Variants in SLC25A13 observed in about 807,000 individuals in gnomAD.
The protein encoded by SLC25A13 is electrogenic aspartate/glutamate antiporter SLC25A13, mitochondrial.
A neutral mutation model predicts 85.5 loss-of-function variants in SLC25A13; 70 were observed. That is an observed-to-expected ratio of 0.82 (90% CI 0.68 to 1.00). The LOEUF is 1.00. SLC25A13 is among the 50% of genes least tolerant of loss of function. The pLI is 0.00. For synonymous variants in SLC25A13, 259 were observed against 288.7 expected, an observed-to-expected ratio of 0.90 and a Z score of 1.04; for missense variants, 765 against 819.8, an observed-to-expected ratio of 0.93 and a Z score of 0.82.
chr7:96,143,742 A>G (rs1157869091), intron 14 of SLC25A13, among the ~76,000 whole-genome samples: 1 of 152,244 alleles, frequency 6.6e-6, no homozygotes, highest in African/African-American at 2.4e-5. Context: ...CTTATTTTGC[A>G]AGTCAATACA....
At chr7:96,211,262 T>C (rs1314402060) in intron 4 of SLC25A13, among the ~76,000 whole-genome samples, 1 of 152,194 alleles carries the variant, frequency 6.6e-6, no homozygotes, top group Non-Finnish European at 1.5e-5. Flanking sequence ...GACTACACCA[T>C]AGACTGTGTG....
chr7:96,144,118 G>C (rs1206817537), intron 14 of SLC25A13, among the ~76,000 whole-genome samples: 1 of 152,198 alleles, frequency 6.6e-6, no homozygotes, highest in Non-Finnish European at 1.5e-5. Context: ...ATGCTGTGAT[G>C]CTCCCTAGAA....
At chr7:96,155,774 G>C (rs1303715433) in intron 13 of SLC25A13, among the ~76,000 whole-genome samples, 1 of 152,190 alleles carries the variant, frequency 6.6e-6, no homozygotes. Flanking sequence ...AAGCACTTCT[G>C]ATGTAGGAGG....
At chr7:96,233,953 C>T (rs1222993306) in intron 4 of SLC25A13, among the ~76,000 whole-genome samples, 1 of 152,018 alleles carries the variant, frequency 6.6e-6, no homozygotes, top group Non-Finnish European at 1.5e-5. Flanking sequence ...CACATTCTCC[C>T]TAATCTTTAA....
At chr7:96,125,032 C>T (rs1293881456) in intron 15 of SLC25A13, among the ~76,000 whole-genome samples, 1 of 152,114 alleles carries the variant, frequency 6.6e-6, no homozygotes, top group African/African-American at 2.4e-5. Context: ...ATAATGGAGA[C>T]CTACCACAGG....
At chr7:96,134,710 T>G (rs1792189252) in intron 14 of SLC25A13, among the ~76,000 whole-genome samples, 1 of 150,448 alleles carries the variant, frequency 6.6e-6, no homozygotes, top group South Asian at 2.1e-4. Flanking sequence ...AGATGTGAGA[T>G]GTACTTCAAG....
chr7:96,297,481 G>A (rs760009227), intron 1 of SLC25A13, among the ~76,000 whole-genome samples: 32 of 151,854 alleles, frequency 2.1e-4, no homozygotes, highest in Non-Finnish European at 4.3e-4. Context: ...TTGCAGGCGC[G>A]TACTACCACT....
chr7:96,283,516 T>C, intron 2 of SLC25A13: 1 of 387,344 alleles, frequency 2.6e-6, no homozygotes. Context: ...AGGAATGCTT[T>C]ACAAGTGTTA....
chr7:96,171,605 C>G (rs1029178080), intron 11 of SLC25A13, 81 bp from the exon 12 acceptor site: 62 of 1,259,868 alleles, frequency 4.9e-5, no homozygotes, highest in Non-Finnish European at 6.8e-5. Flanking sequence ...GAGGGGATTA[C>G]CACTTAAAAA....
At chr7:96,150,786 G>C (rs887646959) in intron 13 of SLC25A13, among the ~76,000 whole-genome samples, 3 of 152,060 alleles carry the variant, frequency 2.0e-5, no homozygotes, top group African/African-American at 7.2e-5. Flanking sequence ...AGAAATGTGA[G>C]AATATAAATT....
intron 3 of SLC25A13, among the ~76,000 whole-genome samples, chr7:96,271,879 ATTTATTTTAT>A (rs945215244): frequency 1.3e-5 from 2 of 151,564 alleles, no homozygotes; most frequent in African/African-American, 4.8e-5. Context: ...ATTTTATTTT[ATTTATTTTAT>A]TTTATTTTAT....
chr7:96,218,083 A>T (rs1795968093), intron 4 of SLC25A13, among the ~76,000 whole-genome samples: 1 of 152,168 alleles, frequency 6.6e-6, no homozygotes, highest in Non-Finnish European at 1.5e-5. Context: ...GTAGGTGACC[A>T]TCAAAATCAT....
intron 4 of SLC25A13, among the ~76,000 whole-genome samples, chr7:96,231,790 T>C (rs548392694): frequency 1.3e-5 from 2 of 151,430 alleles, no homozygotes; most frequent in Non-Finnish European, 2.9e-5. Flanking sequence ...AGAACACATA[T>C]ACGCGGCCAA....
intron 4 of SLC25A13, among the ~76,000 whole-genome samples, chr7:96,234,357 T>C (rs1796665401): frequency 6.6e-6 from 1 of 152,190 alleles, no homozygotes; most frequent in South Asian, 2.1e-4. Flanking sequence ...TGAACCACCA[T>C]CTTGTGCAGC....
At position 96,184,995 on chromosome 7, in the gene SLC25A13, G is replaced by C; in HGVS notation, c.950C>G (p.Ser317Ter). 1 of 1,614,094 alleles carries C rather than the reference G, an allele frequency of 6.2e-7. No homozygotes were observed. The highest frequency in any genetic ancestry group is 1.1e-5 in the South Asian group (1 of 91,054). ...EAQRQKASGD[S>*]ARPVLLQVAE... ...AACTTGTAGAAGAACTGGTCGAGCT[G>C]AATCACCTGAGGCCTTCTGCTTTGC... The change falls in exon 10 of 18, where the codon TCA becomes TGA. Residue 317 changes from serine (S) to a stop codon, truncating the protein, a stop_gained. Coordinates refer to ENST00000265631, the MANE Select transcript of SLC25A13 (RefSeq NM_014251.3). LOFTEE classifies it high-confidence loss of function.
chr7:96,274,201 TAA>T (rs367953327), intron 3 of SLC25A13, among the ~76,000 whole-genome samples: 5 of 144,944 alleles, frequency 3.4e-5, no homozygotes, highest in Admixed American at 6.9e-5. Flanking sequence ...TTCTTTCCAT[TAA>T]AAAAAAAAAA....
intron 2 of SLC25A13, among the ~76,000 whole-genome samples, chr7:96,282,331 A>C (rs191119230): frequency 6.6e-6 from 1 of 152,288 alleles, no homozygotes; most frequent in Admixed American, 6.5e-5. Context: ...CAGTAAATTG[A>C]TAAAGGTTTG....
intron 4 of SLC25A13, among the ~76,000 whole-genome samples, chr7:96,217,819 T>C (rs898810389): frequency 6.6e-6 from 1 of 151,748 alleles, no homozygotes; most frequent in Non-Finnish European, 1.5e-5. Context: ...GTGGTGATAA[T>C]TGTACAAATC....
At chr7:96,308,740 A>T (rs1049991839) in intron 1 of SLC25A13, among the ~76,000 whole-genome samples, 1 of 152,246 alleles carries the variant, frequency 6.6e-6, no homozygotes, top group Admixed American at 6.5e-5. Flanking sequence ...CAATTTAAAA[A>T]GTGAATATAA....
Sources: allele counts gnomAD v4.1 joint callset (sites outside exome capture counted in the v4.1 genomes callset), GRCh38; gene constraint gnomAD v4.1.1; transcripts MANE v1.5; gene names NCBI Gene and HGNC (gene_info 2026-07-23, HGNC 2026-07-21).